SPOCK3: variants seen among roughly 807,000 people sequenced by gnomAD.
The protein encoded by SPOCK3 is SPARC (osteonectin), cwcv and kazal like domains proteoglycan 3, also known as testican-3.
A neutral mutation model predicts 56.6 loss-of-function variants in SPOCK3; 30 were observed. That is an observed-to-expected ratio of 0.53 (90% confidence interval 0.40 to 0.72). The LOEUF is 0.72. Ranked by LOEUF, SPOCK3 falls within the 30% of genes least tolerant of loss-of-function variation. The pLI, the probability that SPOCK3 is intolerant of heterozygous loss-of-function variation, is 0.00. For missense variants in SPOCK3, 527 were observed against 530.0 expected (o/e 0.99, Z 0.06); for synonymous variants, 196 against 183.3 (o/e 1.07, Z -0.56).
chr4:167,211,309 G>C (rs970367486), intron 2 of SPOCK3, among the ~76,000 whole-genome samples: 1 of 152,262 alleles, frequency 6.6e-6, no homozygotes, highest in Admixed American at 6.5e-5. Context: ...AGGAGGAAGG[G>C]AACTTGCTTG....
intron 3 of SPOCK3, 98 bp downstream of exon 3, chr4:167,062,394 A>G: frequency 7.1e-6 from 6 of 842,450 alleles, no homozygotes; most frequent in Non-Finnish European, 1.1e-5. Context: ...TCTTCTATTT[A>G]GTATTTTCAA....
At chr4:167,144,310 C>A (rs1038357049) in intron 2 of SPOCK3, among the ~76,000 whole-genome samples, 1 of 151,796 alleles carries the variant, frequency 6.6e-6, no homozygotes, top group Admixed American at 6.6e-5. Flanking sequence ...CTAAAAATAT[C>A]CATTATTTAT....
intron 4 of SPOCK3, among the ~76,000 whole-genome samples, chr4:166,995,247 GTA>G (rs1491074434): frequency 7.3e-5 from 11 of 150,856 alleles, no homozygotes; most frequent in Admixed American, 4.6e-4. Context: ...ATGTATGTAT[GTA>G]TGTGTGTGTG....
At chr4:166,749,463 A>G (rs1223458398) in intron 8 of SPOCK3, among the ~76,000 whole-genome samples, 1 of 151,916 alleles carries the variant, frequency 6.6e-6, no homozygotes, top group African/African-American at 2.4e-5. Flanking sequence ...CAGGGTTGGG[A>G]ACTTCACACA....
At chr4:166,865,496 G>T (rs1378172333) in intron 6 of SPOCK3, among the ~76,000 whole-genome samples, 1 of 152,148 alleles carries the variant, frequency 6.6e-6, no homozygotes, top group East Asian at 1.9e-4. Flanking sequence ...AAGTGTCTCT[G>T]TTTGCAGATG....
intron 7 of SPOCK3, 140 bp from the exon 8 acceptor site, chr4:166,754,869 G>A (rs559737749): frequency 1.4e-6 from 1 of 715,922 alleles, no homozygotes; most frequent in South Asian, 1.9e-5. Flanking sequence ...TTCATCATGA[G>A]TAGTTTGTTT....
intron 2 of SPOCK3, among the ~76,000 whole-genome samples, chr4:167,223,547 G>C (rs868537744): frequency 6.6e-6 from 1 of 151,930 alleles, no homozygotes; most frequent in East Asian, 1.9e-4. Context: ...TCTACTACTG[G>C]AGAGAGCCCT....
At chr4:166,812,720 C>G (rs1176281192) in intron 6 of SPOCK3, among the ~76,000 whole-genome samples, 1 of 151,868 alleles carries the variant, frequency 6.6e-6, no homozygotes, top group African/African-American at 2.4e-5. Context: ...TTGGGATATA[C>G]TTCCATCAGA....
intron 6 of SPOCK3, among the ~76,000 whole-genome samples, chr4:166,819,093 C>T (rs1392249530): frequency 2.0e-5 from 3 of 151,930 alleles, no homozygotes. Flanking sequence ...TTTTAAATTG[C>T]ACATATTAAG....
intron 4 of SPOCK3, among the ~76,000 whole-genome samples, chr4:166,974,081 T>C (rs904415895): frequency 6.6e-6 from 1 of 152,154 alleles, no homozygotes; most frequent in Admixed American, 6.6e-5. Context: ...AATGGCAAAG[T>C]CCACCAGTTC....
At chr4:166,837,293 T>C (rs1433358129) in intron 6 of SPOCK3, among the ~76,000 whole-genome samples, 1 of 152,160 alleles carries the variant, frequency 6.6e-6, no homozygotes, top group Admixed American at 6.5e-5. Flanking sequence ...CCCCTGTGAA[T>C]AATTTCAGAA....
At chr4:167,003,273 G>C (rs945710049) in intron 3 of SPOCK3, among the ~76,000 whole-genome samples, 1 of 152,104 alleles carries the variant, frequency 6.6e-6, no homozygotes. Context: ...TAAGAGAGGA[G>C]CAGTATTTGT....
At chr4:166,896,648 T>C (rs1448548720) in intron 5 of SPOCK3, among the ~76,000 whole-genome samples, 1 of 152,194 alleles carries the variant, frequency 6.6e-6, no homozygotes, top group Admixed American at 6.5e-5. Context: ...CACATGAGAC[T>C]GCCTTCCTCA....
intron 2 of SPOCK3, among the ~76,000 whole-genome samples, chr4:167,098,433 G>T (rs953650901): frequency 5.3e-5 from 8 of 151,772 alleles, no homozygotes; most frequent in Admixed American, 5.3e-4. Flanking sequence ...GGCTTCTGCT[G>T]CAGGTAAGGA....
chr4:167,100,524 A>G (rs1759553010), intron 2 of SPOCK3, among the ~76,000 whole-genome samples: 1 of 151,112 alleles, frequency 6.6e-6, no homozygotes, highest in Non-Finnish European at 1.5e-5. Context: ...TCTCTCTCAG[A>G]AAATTATTTC....
At chr4:167,088,988 A>T (rs1459072758) in intron 2 of SPOCK3, among the ~76,000 whole-genome samples, 1 of 152,180 alleles carries the variant, frequency 6.6e-6, no homozygotes, top group Non-Finnish European at 1.5e-5. Flanking sequence ...GTCAAAAACC[A>T]AGCTTATTTG....
At chr4:166,748,851 C>T (rs7671716) in intron 8 of SPOCK3, among the ~76,000 whole-genome samples, 47,481 of 135,996 alleles carry the variant, frequency 0.35, 13,948 homozygotes, top group Admixed American at 0.46. Flanking sequence ...ATTTTTCAAA[C>T]GAAGTCATTT....
intron 2 of SPOCK3, among the ~76,000 whole-genome samples, chr4:167,078,500 T>C (rs979487866): frequency 6.6e-6 from 1 of 151,738 alleles, no homozygotes; most frequent in Non-Finnish European, 1.5e-5. Context: ...ATATTTCTTA[T>C]TTATTTCCAG....
chr4:166,742,951 A>G (rs772267479), intron 8 of SPOCK3, among the ~76,000 whole-genome samples: 3 of 152,144 alleles, frequency 2.0e-5, no homozygotes, highest in Non-Finnish European at 4.4e-5. Flanking sequence ...AAAAATCTAG[A>G]GATGATTTAA....
Sources: gnomAD v4.1 joint callset for allele counts (sites outside exome capture counted in the v4.1 genomes callset) on GRCh38, gnomAD v4.1.1 for gene constraint, MANE v1.5 for transcripts, NCBI Gene and HGNC (gene_info 2026-07-23, HGNC 2026-07-21) for gene names.